Variants in CDC42BPA observed in about 807,000 individuals in gnomAD.
CDC42BPA encodes the protein serine/threonine-protein kinase MRCK alpha.
CDC42BPA carries 80 observed loss-of-function variants against 223.5 expected under a neutral mutation model. The observed-to-expected ratio is 0.36, with a 90% CI of 0.30 to 0.43. The LOEUF (loss-of-function observed/expected upper bound fraction) is 0.43. Among genes scored for constraint, CDC42BPA ranks in the 20% least tolerant of loss-of-function variants. The probability of loss-of-function intolerance (pLI) is 1.00; values close to 1 mark genes in which losing one functional copy is unlikely to be tolerated. For missense variants in CDC42BPA, 1,743 were observed against 2,099.9 expected (o/e 0.83, Z 3.32); for synonymous variants, 694 against 718.6 (o/e 0.97, Z 0.55).
chr1:227,052,098 G>T (rs1045614607), intron 21 of CDC42BPA, 113 bp from the exon 22 acceptor site: 1 of 503,564 alleles, frequency 2.0e-6, no homozygotes, highest in African/African-American at 2.0e-5. Context: ...GAGAAAGGAG[G>T]ATAACAAACT....
At chr1:227,038,997 C>T (rs1670852928) in intron 24 of CDC42BPA, among the ~76,000 whole-genome samples, 1 of 152,166 alleles carries the variant, frequency 6.6e-6, no homozygotes, top group Non-Finnish European at 1.5e-5. Context: ...AGAAAAACGC[C>T]TGGGAAAAGC....
At position 227,160,557 on chromosome 1, in the gene CDC42BPA, T is replaced by A; in HGVS notation, c.679A>T (p.Met227Leu). Reference protein sequence around the residue: ...LADFGSCLKLMEDGTVQSSVA... With the variant: ...LADFGSCLKLLEDGTVQSSVA... ...TCTTTATTTACCGTTCCATCTTCCA[T>A]CAGCTTCAGACAAGAACCAAAATCT... The change falls in exon 6 of 37, where the codon ATG (methionine) becomes TTG (leucine). Residue 227 changes from methionine (M) to leucine (L), a missense_variant. Physicochemically the swap from Met to Leu is conservative, Grantham distance 15. This residue lies in a region of CDC42BPA where 321 missense variants were observed against 488.7 expected (regional missense o/e 0.66). Transcript: ENST00000366766. 6.3e-7 allele frequency: 1 copy of A among 1,592,600 alleles called. No individual in the cohort carries two copies. Among genetic ancestry groups the A allele is most frequent in the Non-Finnish European group, 8.6e-7 (1 of 1,160,572 alleles).
At chr1:227,276,930 A>T (rs2148527906) in intron 1 of CDC42BPA, among the ~76,000 whole-genome samples, 1 of 152,232 alleles carries the variant, frequency 6.6e-6, no homozygotes, top group Admixed American at 6.5e-5. Context: ...CAGGGACACA[A>T]ACACTGCGGA....
At chr1:227,226,621 C>T (rs1217376456) in intron 2 of CDC42BPA, among the ~76,000 whole-genome samples, 1 of 152,062 alleles carries the variant, frequency 6.6e-6, no homozygotes, top group African/African-American at 2.4e-5. Context: ...GAAGACCAGC[C>T]AAGAAATATT....
rs1678518946 is a variant in CDC42BPA, at chr1:227,072,145, G to T, written c.2827+63C>A. The T allele has an allele frequency of 5.5e-6, 5 of 910,538 alleles. No homozygotes were observed. The East Asian group carries it at 1.0e-4, about 19-fold the overall frequency. The allele number at this position is 910,538 out of a possible 1,614,324, so 56.4% of individuals were successfully genotyped here. On this transcript the variant is annotated intron_variant, in intron 20 of 36. Coordinates refer to ENST00000366766, the MANE Select transcript of CDC42BPA (RefSeq NM_001394014.1). The stretch of plus-strand genomic sequence containing the variant: ...ACCTATGCAATGAATTGATTCTTCT[G>T]TAATAAAATATATTTATAACATAAC...
At chr1:227,187,688 CCA>C (rs1558708977) in intron 5 of CDC42BPA, among the ~76,000 whole-genome samples, 70 of 72,720 alleles carry the variant, frequency 9.6e-4, no homozygotes, top group African/African-American at 4.0e-3. Context: ...CACCCCCCCC[CCA>C]AAAAAAAAAA....
chr1:227,191,992 C>T (rs1160278956), intron 5 of CDC42BPA, among the ~76,000 whole-genome samples: 1 of 149,564 alleles, frequency 6.7e-6, no homozygotes, highest in African/African-American at 2.5e-5. Flanking sequence ...CTGCATTGTA[C>T]AATTTTCAAA....
At chr1:227,207,649 AATG>A (rs1314057466) in intron 3 of CDC42BPA, among the ~76,000 whole-genome samples, 1 of 151,100 alleles carries the variant, frequency 6.6e-6, no homozygotes, top group Non-Finnish European at 1.5e-5. Context: ...GTTTACTAAG[AATG>A]ATGATTTCCA....
At chr1:227,149,938 A>G (rs530482710) in intron 6 of CDC42BPA, among the ~76,000 whole-genome samples, 2 of 152,298 alleles carry the variant, frequency 1.3e-5, no homozygotes, top group South Asian at 4.1e-4. Context: ...AAGTACTTAG[A>G]AGAGGTTGAG....
chr1:227,025,709 G>A (rs189013004), intron 31 of CDC42BPA, among the ~76,000 whole-genome samples: 1 of 152,242 alleles, frequency 6.6e-6, no homozygotes, highest in East Asian at 1.9e-4. Context: ...CTGGGTGAAT[G>A]ACAGTTATAA....
At chr1:227,035,354 T>C (rs1670026502) in intron 25 of CDC42BPA, 117 bp downstream of exon 25, 4 of 731,932 alleles carry the variant, frequency 5.5e-6, no homozygotes, top group Non-Finnish European at 8.7e-6. Context: ...AATTATTAGA[T>C]GAATTTTATT....
intron 23 of CDC42BPA, among the ~76,000 whole-genome samples, chr1:227,043,710 T>C (rs1263932035): frequency 6.6e-6 from 1 of 152,152 alleles, no homozygotes; most frequent in Non-Finnish European, 1.5e-5. Flanking sequence ...ATAGTCTGAG[T>C]ATGTGTTTTT....
At chr1:227,213,041 G>A (rs1674205347) in intron 3 of CDC42BPA, 95 bp downstream of exon 3, 2 of 608,054 alleles carry the variant, frequency 3.3e-6, no homozygotes, top group Non-Finnish European at 5.6e-6. Context: ...CAGACAAAAT[G>A]TTACCAAGTA....
intron 15 of CDC42BPA, 95 bp from the exon 16 acceptor site, chr1:227,092,086 A>G: frequency 1.5e-6 from 1 of 659,698 alleles, no homozygotes; most frequent in Non-Finnish European, 2.6e-6. Context: ...AACACAAAAT[A>G]TCAGATTGAA....
intron 5 of CDC42BPA, among the ~76,000 whole-genome samples, chr1:227,177,127 G>GA (rs141253636): frequency 0.12 from 6,537 of 56,428 alleles, 275 homozygotes; most frequent in African/African-American, 0.27. Flanking sequence ...AAAGATGTAA[G>GA]AAAAAAAAAA....
intron 11 of CDC42BPA, among the ~76,000 whole-genome samples, chr1:227,126,407 T>C (rs889734483): frequency 4.0e-5 from 6 of 149,482 alleles, no homozygotes; most frequent in African/African-American, 1.5e-4. Flanking sequence ...AGGCCTCTGG[T>C]GGCTGCTGGT....
intron 12 of CDC42BPA, among the ~76,000 whole-genome samples, chr1:227,119,417 TATA>T (rs1350644129): frequency 1.3e-5 from 2 of 152,202 alleles, no homozygotes; most frequent in Admixed American, 6.5e-5. Flanking sequence ...AATTTTAAAT[TATA>T]ATATTTTAAG....
chr1:227,033,862 C>T (rs745943454), intron 26 of CDC42BPA, among the ~76,000 whole-genome samples: 3 of 152,228 alleles, frequency 2.0e-5, no homozygotes, highest in African/African-American at 7.2e-5. Context: ...GGTACCATGA[C>T]TCCCTTAGTC....
At chr1:227,305,687 C>A (rs1274693329) in intron 1 of CDC42BPA, among the ~76,000 whole-genome samples, 1 of 152,118 alleles carries the variant, frequency 6.6e-6, no homozygotes, top group African/African-American at 2.4e-5. Flanking sequence ...TAGCATCTGC[C>A]GGGAGTGGTG....
Sources: gnomAD v4.1 joint callset for allele counts (sites outside exome capture counted in the v4.1 genomes callset) on GRCh38, gnomAD v4.1.1 for gene constraint, gnomAD v4.1.1 regional missense constraint, MANE v1.5 for transcripts, NCBI Gene and HGNC (gene_info 2026-07-23, HGNC 2026-07-21) for gene names.